The following ZNF385D variants were observed in gnomAD, a reference collection of about 807,000 sequenced individuals.
ZNF385D encodes zinc finger protein 659.
A neutral mutation model predicts 35.8 loss-of-function variants in ZNF385D; 15 were observed. The ratio of observed to expected loss-of-function variants is 0.42; its 90% CI spans 0.28 to 0.64. The LOEUF (loss-of-function observed/expected upper bound fraction) is 0.64, where lower values mean the gene tolerates loss of function less well. Ranked by LOEUF, ZNF385D falls within the 30% of genes least tolerant of loss-of-function variation. ZNF385D has a pLI of 0.23. For missense variants in ZNF385D, 474 were observed against 494.6 expected, an observed-to-expected ratio of 0.96 and a Z score of 0.39; for synonymous variants, 212 against 186.8, an observed-to-expected ratio of 1.13 and a Z score of -1.10.
Position 22,273,700 on chromosome 3 carries a change from A to C in ZNF385D, c.106+98750T>G, listed in dbSNP as rs80340135. ...AGTGAGAGAACGAGACAGATGTTAC[A>C]ACTGGTTTAAAAGAAAAACAGACAT... On this transcript the variant is annotated intron_variant, in intron 2 of 5. Coordinates refer to the ZNF385D transcript ENST00000494108. Among the ~76,000 whole-genome samples, 1,095 of 152,184 alleles carry C rather than the reference A, an allele frequency of 7.2e-3. 15 individuals carry two copies. The highest frequency in any genetic ancestry group is 0.025 in the African/African-American group (1,056 of 41,562).
At chr3:22,008,703 A>G (rs1696377200) in intron 3 of ZNF385D, among the ~76,000 whole-genome samples, 1 of 152,192 alleles carries the variant, frequency 6.6e-6, no homozygotes, top group South Asian at 2.1e-4. Flanking sequence ...GGAAGCCATA[A>G]CAAAACACAA....
intron 2 of ZNF385D, among the ~76,000 whole-genome samples, chr3:21,655,477 T>G (rs1166003868): frequency 4.6e-5 from 7 of 152,006 alleles, no homozygotes; most frequent in Admixed American, 3.9e-4. Context: ...TTTATTCCCC[T>G]GACAATGATT....
intron 2 of ZNF385D, among the ~76,000 whole-genome samples, chr3:22,298,448 T>C (rs888823662): frequency 2.0e-3 from 260 of 128,458 alleles, no homozygotes; most frequent in African/African-American, 2.9e-3. Flanking sequence ...ATACATAAAA[T>C]ATTTATATAT....
chr3:22,229,535 T>C (rs189877871), intron 2 of ZNF385D, among the ~76,000 whole-genome samples: 75 of 152,348 alleles, frequency 4.9e-4, no homozygotes, highest in African/African-American at 1.8e-3. Context: ...TTGTGGGTTA[T>C]AGCCCCTCCC....
At chr3:22,079,768 T>C (rs963981562) in intron 3 of ZNF385D, among the ~76,000 whole-genome samples, 3 of 151,938 alleles carry the variant, frequency 2.0e-5, no homozygotes, top group African/African-American at 7.2e-5. Context: ...TTATAGCAAA[T>C]AGTATATCTA....
At chr3:21,696,134 T>C (rs896019729) in intron 1 of ZNF385D, among the ~76,000 whole-genome samples, 1 of 152,120 alleles carries the variant, frequency 6.6e-6, no homozygotes, top group African/African-American at 2.4e-5. Context: ...GCCATCAGAG[T>C]GTACTTCCTC....
chr3:22,014,597 C>A (rs1696770747), intron 3 of ZNF385D, among the ~76,000 whole-genome samples: 1 of 151,902 alleles, frequency 6.6e-6, no homozygotes, highest in South Asian at 2.1e-4. Context: ...ACATAAAAGT[C>A]TCAGAAATAT....
At chr3:21,671,531 T>C (rs1038798611) in intron 1 of ZNF385D, among the ~76,000 whole-genome samples, 3 of 152,128 alleles carry the variant, frequency 2.0e-5, no homozygotes, top group Admixed American at 2.0e-4. Context: ...TAATATCCAA[T>C]GTATAAAATC....
intron 3 of ZNF385D, among the ~76,000 whole-genome samples, chr3:21,979,479 A>G (rs573040634): frequency 3.9e-5 from 6 of 152,296 alleles, no homozygotes; most frequent in Non-Finnish European, 8.8e-5. Context: ...CTGGCTCACA[A>G]TAAGTAAGTT....
At chr3:21,879,331 G>T (rs73146844) in intron 3 of ZNF385D, among the ~76,000 whole-genome samples, 1 of 151,926 alleles carries the variant, frequency 6.6e-6, no homozygotes, top group Non-Finnish European at 1.5e-5. Context: ...AGGACACATG[G>T]GATCCGTTTA....
chr3:21,665,166 G>T, intron 1 of ZNF385D, 138 bp from the exon 2 acceptor site: 1 of 1,156,772 alleles, frequency 8.6e-7, no homozygotes, highest in Non-Finnish European at 1.2e-6. Flanking sequence ...ACCTCAACTG[G>T]GAACCGGCCA....
chr3:22,006,961 T>C (rs947212695), intron 3 of ZNF385D, among the ~76,000 whole-genome samples: 21 of 152,054 alleles, frequency 1.4e-4, no homozygotes, highest in African/African-American at 4.8e-4. Context: ...TCATTTAATA[T>C]AGACATCAAG....
At chr3:22,032,484 A>C (rs1456113598) in intron 3 of ZNF385D, among the ~76,000 whole-genome samples, 2 of 152,060 alleles carry the variant, frequency 1.3e-5, no homozygotes, top group Non-Finnish European at 2.9e-5. Context: ...ATCACCACCC[A>C]CCAGGTTCTT....
rs976999369 is a variant in ZNF385D, at chr3:21,417,258, A to G, written c.*3956T>C. 1.3e-5 allele frequency: 2 copies of G among 152,124 alleles called. No individual in the cohort carries two copies. Among genetic ancestry groups the G allele is most frequent in the Non-Finnish European group, 2.9e-5 (2 of 67,994 alleles). 9.4% of individuals were successfully genotyped at this position (152,124 alleles called of 1,614,324 possible). ...GCTGATGTATTAAACCAGCTTAGCT[A>G]TTAATCACTGTCATCCATTTTACTG... On this transcript the variant is annotated 3_prime_UTR_variant, in exon 8 of 8. Transcript: ENST00000281523.
intron 2 of ZNF385D, among the ~76,000 whole-genome samples, chr3:22,297,170 A>G (rs1702630759): frequency 6.6e-6 from 1 of 152,102 alleles, no homozygotes; most frequent in Non-Finnish European, 1.5e-5. Flanking sequence ...GGTGGTACAG[A>G]AAGACTGACT....
At chr3:21,514,535 C>A (rs1263739690) in intron 3 of ZNF385D, among the ~76,000 whole-genome samples, 1 of 152,028 alleles carries the variant, frequency 6.6e-6, no homozygotes, top group African/African-American at 2.4e-5. Context: ...CTGTTACTTT[C>A]TGTATAACAA....
intron 3 of ZNF385D, among the ~76,000 whole-genome samples, chr3:22,084,094 G>A (rs1488014831): frequency 2.0e-5 from 3 of 152,160 alleles, no homozygotes; most frequent in African/African-American, 4.8e-5. Flanking sequence ...ACTAAACATG[G>A]AAAGGAACAA....
chr3:21,916,546 T>C (rs919647383), intron 3 of ZNF385D, among the ~76,000 whole-genome samples: 30 of 152,236 alleles, frequency 2.0e-4, no homozygotes, highest in African/African-American at 7.0e-4. Flanking sequence ...CCACAAATAA[T>C]ATACTTGTAT....
intron 3 of ZNF385D, among the ~76,000 whole-genome samples, chr3:22,155,863 A>G (rs1705551076): frequency 6.6e-6 from 1 of 152,152 alleles, no homozygotes; most frequent in African/African-American, 2.4e-5. Flanking sequence ...TTTGGGTCTC[A>G]TTTACAGTTA....
Sources: allele counts gnomAD v4.1 joint callset (sites outside exome capture counted in the v4.1 genomes callset), GRCh38; gene constraint gnomAD v4.1.1; transcripts MANE v1.5; gene names NCBI Gene and HGNC (gene_info 2026-07-23, HGNC 2026-07-21).